The following SPOCK3 variants were observed in gnomAD, a reference collection of about 807,000 sequenced individuals.
SPOCK3 encodes the protein SPARC (osteonectin), cwcv and kazal like domains proteoglycan 3, also known as testican-3.
A neutral mutation model predicts 56.6 loss-of-function variants in SPOCK3; 30 were observed. The observed-to-expected ratio is 0.53, with a 90% CI of 0.40 to 0.72. The LOEUF (loss-of-function observed/expected upper bound fraction) is 0.72, where lower values mean the gene tolerates loss of function less well. Ranked by LOEUF, SPOCK3 falls within the 30% of genes least tolerant of loss-of-function variation. The probability of loss-of-function intolerance (pLI) is 0.00; values close to 1 mark genes in which losing one functional copy is unlikely to be tolerated. For synonymous variants in SPOCK3, 196 were observed against 183.3 expected (o/e 1.07, Z -0.56); for missense variants, 527 against 530.0 (o/e 0.99, Z 0.06).
At chr4:167,188,636 A>G (rs1461274721) in intron 2 of SPOCK3, among the ~76,000 whole-genome samples, 1 of 145,818 alleles carries the variant, frequency 6.9e-6, no homozygotes, top group Non-Finnish European at 1.5e-5. Flanking sequence ...AAAATAAATA[A>G]GAAAAGAGCA....
At chr4:166,933,050 A>T (rs540019381) in intron 4 of SPOCK3, among the ~76,000 whole-genome samples, 1 of 152,092 alleles carries the variant, frequency 6.6e-6, no homozygotes, top group East Asian at 1.9e-4. Flanking sequence ...TTTTGGGGGA[A>T]TTTTTTTAAT....
intron 3 of SPOCK3, among the ~76,000 whole-genome samples, chr4:167,036,973 T>C (rs1272678387): frequency 6.6e-6 from 1 of 152,168 alleles, no homozygotes; most frequent in Non-Finnish European, 1.5e-5. Flanking sequence ...TATCTTATTC[T>C]TACTGCCTGA....
intron 6 of SPOCK3, among the ~76,000 whole-genome samples, chr4:166,802,501 A>AT (rs1161086230): frequency 1.3e-5 from 2 of 152,076 alleles, no homozygotes; most frequent in Non-Finnish European, 1.5e-5. Flanking sequence ...CCTAGACGGC[A>AT]TTTTTTTATT....
intron 6 of SPOCK3, among the ~76,000 whole-genome samples, chr4:166,879,259 T>A (rs969136676): frequency 6.6e-6 from 1 of 152,176 alleles, no homozygotes; most frequent in Non-Finnish European, 1.5e-5. Flanking sequence ...ATGATCATGA[T>A]GGCTCATGCC....
chr4:166,764,445 G>T (rs1026883582), intron 7 of SPOCK3, among the ~76,000 whole-genome samples: 6 of 151,942 alleles, frequency 3.9e-5, no homozygotes, highest in Non-Finnish European at 5.9e-5. Flanking sequence ...GCGGTGTTTG[G>T]TTTTTTGTTC....
At chr4:166,741,714 T>G (rs1579082790) in intron 9 of SPOCK3, among the ~76,000 whole-genome samples, 1 of 152,318 alleles carries the variant, frequency 6.6e-6, no homozygotes, top group African/African-American at 2.4e-5. Flanking sequence ...TAATTTGAAC[T>G]GAATTTTCTG....
intron 2 of SPOCK3, among the ~76,000 whole-genome samples, chr4:167,149,641 C>A (rs1182866863): frequency 6.6e-6 from 1 of 152,036 alleles, no homozygotes; most frequent in Non-Finnish European, 1.5e-5. Flanking sequence ...AGTGTTTGCA[C>A]ATGAACACAT....
At chr4:167,093,118 G>C (rs1758846463) in intron 2 of SPOCK3, among the ~76,000 whole-genome samples, 1 of 152,042 alleles carries the variant, frequency 6.6e-6, no homozygotes, top group African/African-American at 2.4e-5. Flanking sequence ...GCAACTTGGA[G>C]ATGTTGCCTC....
intron 7 of SPOCK3, among the ~76,000 whole-genome samples, chr4:166,782,489 A>C (rs916454973): frequency 6.6e-6 from 1 of 152,192 alleles, no homozygotes; most frequent in Non-Finnish European, 1.5e-5. Flanking sequence ...TATTGACAGA[A>C]TAGTCCAACA....
At chr4:166,893,842 A>G (rs935731778) in intron 5 of SPOCK3, among the ~76,000 whole-genome samples, 14 of 152,082 alleles carry the variant, frequency 9.2e-5, no homozygotes, top group Admixed American at 5.3e-4. Context: ...CATGCTTTGA[A>G]CTCTCATAAA....
At chr4:167,195,378 C>A (rs1206557012) in intron 2 of SPOCK3, among the ~76,000 whole-genome samples, 1 of 152,180 alleles carries the variant, frequency 6.6e-6, no homozygotes, top group Non-Finnish European at 1.5e-5. Context: ...TGCCTGCCTG[C>A]AGGGTCACCA....
intron 3 of SPOCK3, among the ~76,000 whole-genome samples, chr4:167,047,406 T>C (rs1348148594): frequency 6.6e-6 from 1 of 152,200 alleles, no homozygotes; most frequent in African/African-American, 2.4e-5. Context: ...TAAGTTCATA[T>C]TGATTGATAA....
chr4:166,854,225 T>G (rs533686823), intron 6 of SPOCK3, among the ~76,000 whole-genome samples: 1 of 152,220 alleles, frequency 6.6e-6, no homozygotes, highest in Non-Finnish European at 1.5e-5. Flanking sequence ...TTGGTGTTCA[T>G]GTTTTGTGCA....
intron 2 of SPOCK3, among the ~76,000 whole-genome samples, chr4:167,165,202 T>C (rs1056679613): frequency 6.6e-6 from 1 of 152,052 alleles, no homozygotes; most frequent in Admixed American, 6.6e-5. Flanking sequence ...AAAGCCAAAA[T>C]TGACAAATGG....
intron 2 of SPOCK3, among the ~76,000 whole-genome samples, chr4:167,222,381 T>C (rs1736011261): frequency 6.6e-6 from 1 of 151,586 alleles, no homozygotes; most frequent in Non-Finnish European, 1.5e-5. Context: ...ACAATGTGAA[T>C]ATACTTGACA....
rs77790749 is a variant in SPOCK3, at chr4:166,907,839, T to C, written c.474+4781A>G. On this transcript the variant is annotated intron_variant, in intron 5 of 10. Coordinates refer to ENST00000357545, the MANE Select transcript of SPOCK3 (RefSeq NM_001040159.2). ...TGTAATAAGAAAGTATCCCCATAAA[T>C]GATCATGATAATGTTCTGGTGCTGT... is the stretch of plus-strand genomic sequence containing the variant. Among the ~76,000 whole-genome samples the C allele has an allele frequency of 2.6e-3, 396 of 152,154 alleles. 9 individuals are homozygous for C. The East Asian group carries it at 0.06, about 23-fold the overall frequency.
At chr4:167,120,862 T>G (rs114447296) in intron 2 of SPOCK3, among the ~76,000 whole-genome samples, 1,846 of 152,142 alleles carry the variant, frequency 0.012, 21 homozygotes, top group Non-Finnish European at 0.018. Flanking sequence ...TAAAGATCTA[T>G]TCTTCCCAAT....
chr4:166,961,210 T>TA (rs999083588), intron 4 of SPOCK3, among the ~76,000 whole-genome samples: 9 of 150,654 alleles, frequency 6.0e-5, no homozygotes, highest in African/African-American at 1.5e-4. Context: ...ACATCAATTT[T>TA]AAAAAAAACC....
intron 4 of SPOCK3, among the ~76,000 whole-genome samples, chr4:166,971,323 A>G (rs1487697084): frequency 6.6e-6 from 1 of 152,174 alleles, no homozygotes; most frequent in Non-Finnish European, 1.5e-5. Context: ...TAGCTCCAAA[A>G]AGAGAACAGA....
Sources: allele counts gnomAD v4.1 joint callset (sites outside exome capture counted in the v4.1 genomes callset), GRCh38; gene constraint gnomAD v4.1.1; transcripts MANE v1.5; gene names NCBI Gene and HGNC (gene_info 2026-07-23, HGNC 2026-07-21).